PPARGC1A: variants seen among roughly 807,000 people sequenced by gnomAD.
The protein encoded by PPARGC1A is peroxisome proliferator-activated receptor gamma coactivator 1-alpha.
In PPARGC1A, 25 loss-of-function variants were observed where a neutral mutation model predicts 88.7. The ratio of observed to expected loss-of-function variants is 0.28; its 90% CI spans 0.21 to 0.39. PPARGC1A has a LOEUF of 0.39. PPARGC1A is among the 10% of genes least tolerant of loss of function. The probability of loss-of-function intolerance (pLI) is 1.00; values close to 1 mark genes in which losing one functional copy is unlikely to be tolerated. For missense variants in PPARGC1A, 880 were observed against 968.7 expected, an observed-to-expected ratio of 0.91 and a Z score of 1.22; for synonymous variants, 363 against 355.6, an observed-to-expected ratio of 1.02 and a Z score of -0.24.
intron 2 of PPARGC1A, among the ~76,000 whole-genome samples, chr4:23,878,553 A>AT (rs1296063736): frequency 6.6e-6 from 1 of 152,202 alleles, no homozygotes; most frequent in Non-Finnish European, 1.5e-5. Flanking sequence ...AGTGGTCAGC[A>AT]TAATGGCAGG....
the PPARGC1A span, among the ~76,000 whole-genome samples, chr4:24,066,125 G>A: frequency 2.1e-4 from 32 of 151,832 alleles, no homozygotes; most frequent in East Asian, 2.5e-3. Flanking sequence ...GCTTTCCACC[G>A]AACACCTCCC....
At chr4:23,845,884 A>G (rs1326820730) in intron 2 of PPARGC1A, among the ~76,000 whole-genome samples, 1 of 152,196 alleles carries the variant, frequency 6.6e-6, no homozygotes, top group Non-Finnish European at 1.5e-5. Flanking sequence ...TTAATGCCAG[A>G]CTGAGTGAAC....
At chr4:24,272,017 T>G in the PPARGC1A span, among the ~76,000 whole-genome samples, 1 of 152,170 alleles carries the variant, frequency 6.6e-6, no homozygotes, top group Non-Finnish European at 1.5e-5. Flanking sequence ...GGTGGAGGTG[T>G]GCTGACTGTT....
At chr4:24,220,116 A>G in the PPARGC1A span, among the ~76,000 whole-genome samples, 2 of 152,032 alleles carry the variant, frequency 1.3e-5, no homozygotes, top group Non-Finnish European at 1.5e-5. Flanking sequence ...AACAAACATG[A>G]AAAAAATGCT....
chr4:23,838,570 TG>T (rs1247659354), intron 2 of PPARGC1A, among the ~76,000 whole-genome samples: 1 of 152,236 alleles, frequency 6.6e-6, no homozygotes, highest in Non-Finnish European at 1.5e-5. Flanking sequence ...AAATGCTTTT[TG>T]TCCACTCATT....
chr4:24,471,346 GCA>G, the PPARGC1A span, among the ~76,000 whole-genome samples: 42 of 150,788 alleles, frequency 2.8e-4, no homozygotes, highest in South Asian at 1.9e-3. This position sits in a 1 kb window ranked among gnomAD's most constrained non-coding sequence, Gnocchi z 5.4. Context: ...ACACCCGCGT[GCA>G]CACACACACA....
At chr4:24,048,469 G>A in the PPARGC1A span, among the ~76,000 whole-genome samples, 1 of 152,090 alleles carries the variant, frequency 6.6e-6, no homozygotes, top group African/African-American at 2.4e-5. Context: ...TGATATATAT[G>A]AGAGCATTTC....
At chr4:23,999,335 G>T in the PPARGC1A span, among the ~76,000 whole-genome samples, 1 of 152,204 alleles carries the variant, frequency 6.6e-6, no homozygotes, top group Non-Finnish European at 1.5e-5. Flanking sequence ...AAGTAGTGAA[G>T]CTGAATCGTA....
chr4:24,287,249 G>A, the PPARGC1A span, among the ~76,000 whole-genome samples: 12 of 151,456 alleles, frequency 7.9e-5, no homozygotes, highest in Admixed American at 7.9e-4. Flanking sequence ...ATGTCCTACA[G>A]GGACAAATCA....
chr4:24,241,420 C>T, the PPARGC1A span, among the ~76,000 whole-genome samples: 1 of 152,214 alleles, frequency 6.6e-6, no homozygotes, highest in Non-Finnish European at 1.5e-5. Flanking sequence ...CCCCTTCCCC[C>T]AGTTGTTCCA....
At chr4:23,810,116 C>T (rs752963200) in intron 10 of PPARGC1A, among the ~76,000 whole-genome samples, 60 of 152,150 alleles carry the variant, frequency 3.9e-4, no homozygotes, top group Non-Finnish European at 6.8e-4. Context: ...TCAATAGAAA[C>T]AGCATGTAAT....
chr4:24,133,379 G>T, the PPARGC1A span, among the ~76,000 whole-genome samples: 1 of 152,082 alleles, frequency 6.6e-6, no homozygotes, highest in African/African-American at 2.4e-5. Flanking sequence ...TCTTATTTTA[G>T]GACTTACTTT....
chr4:24,385,939 A>G, the PPARGC1A span, among the ~76,000 whole-genome samples: 1 of 152,134 alleles, frequency 6.6e-6, no homozygotes, highest in South Asian at 2.1e-4. Flanking sequence ...GACACAACAA[A>G]AAAAGAAAAT....
chr4:24,126,010 A>G, the PPARGC1A span, among the ~76,000 whole-genome samples: 1 of 152,208 alleles, frequency 6.6e-6, no homozygotes, highest in Non-Finnish European at 1.5e-5. Context: ...AATCTTCACA[A>G]TGACCTATTG....
chr4:24,024,250 C>A, the PPARGC1A span, among the ~76,000 whole-genome samples: 1 of 152,316 alleles, frequency 6.6e-6, no homozygotes, highest in East Asian at 1.9e-4. Flanking sequence ...TGACTTATCT[C>A]ACGTAATCCT....
chr4:23,974,778 A>G, the PPARGC1A span, among the ~76,000 whole-genome samples: 1 of 139,994 alleles, frequency 7.1e-6, no homozygotes, highest in Non-Finnish European at 1.5e-5. Context: ...GACTACAGGA[A>G]CCAGCCACCA....
chr4:24,172,533 G>T, the PPARGC1A span, among the ~76,000 whole-genome samples: 1 of 152,174 alleles, frequency 6.6e-6, no homozygotes, highest in Admixed American at 6.5e-5. Flanking sequence ...GAGATTCCCA[G>T]GGAGGAGAGT....
chr4:24,272,527 TC>T, the PPARGC1A span, among the ~76,000 whole-genome samples: 6 of 152,140 alleles, frequency 3.9e-5, no homozygotes. Context: ...AAAGAAAAAA[TC>T]TTGTGTGAAA....
the PPARGC1A span, among the ~76,000 whole-genome samples, chr4:24,252,320 T>A: frequency 6.6e-6 from 1 of 152,118 alleles, no homozygotes; most frequent in Admixed American, 6.5e-5. Flanking sequence ...GGACCAGGAA[T>A]CACTGGAGTT....
Sources: allele counts gnomAD v4.1 joint callset (sites outside exome capture counted in the v4.1 genomes callset), GRCh38; gene constraint gnomAD v4.1.1; non-coding constraint Gnocchi (gnomAD v3.1); transcripts MANE v1.5; gene names NCBI Gene and HGNC (gene_info 2026-07-23, HGNC 2026-07-21).